Variants in WDR7 observed in about 807,000 individuals in gnomAD.
WDR7 encodes WD repeat domain 7, also known as WD repeat-containing protein 7.
In WDR7, 46 loss-of-function variants were observed where a neutral mutation model predicts 169.4. That is an observed-to-expected ratio of 0.27 (90% CI 0.21 to 0.35). The LOEUF (loss-of-function observed/expected upper bound fraction) is 0.35. Ranked by LOEUF, WDR7 falls within the 10% of genes least tolerant of loss-of-function variation. WDR7 has a pLI of 1.00. For missense variants in WDR7, 1,534 were observed against 1,859.3 expected, an observed-to-expected ratio of 0.83 and a Z score of 3.22; for synonymous variants, 612 against 666.8, an observed-to-expected ratio of 0.92 and a Z score of 1.27.
At chr18:56,841,459 T>C (rs1322758208) in intron 20 of WDR7, among the ~76,000 whole-genome samples, 6 of 150,642 alleles carry the variant, frequency 4.0e-5, no homozygotes, top group Non-Finnish European at 7.4e-5. Flanking sequence ...GGGAGGAGAA[T>C]TGCTTGAACC....
In WDR7 at chr18:56,865,812, A is replaced by C. The variant is rs116983193; in HGVS notation, c.3305-14132A>C. ...CTTTCATATAAAAACAATTTAATGT[A>C]GTTCATATGCTTGATAGAATATCTC... On this transcript the variant is annotated intron_variant, in intron 20 of 27. Transcript: ENST00000254442. 6.0e-3 allele frequency among the ~76,000 whole-genome samples: 906 copies of C among 152,242 alleles called. 2 individuals are homozygous for C. The highest frequency in any genetic ancestry group is 9.9e-3 in the Non-Finnish European group (676 of 67,994).
chr18:56,746,594 A>C (rs2043707728), intron 14 of WDR7, among the ~76,000 whole-genome samples: 1 of 152,144 alleles, frequency 6.6e-6, no homozygotes, highest in South Asian at 2.1e-4. Context: ...GTCCCTGCAA[A>C]GGCTACCTGA....
At chr18:56,710,966 A>G (rs978387406) in intron 12 of WDR7, among the ~76,000 whole-genome samples, 3 of 151,750 alleles carry the variant, frequency 2.0e-5, no homozygotes, top group Non-Finnish European at 1.5e-5. Flanking sequence ...TAATGTTTGA[A>G]TTTGCTTTTC....
intron 2 of WDR7, among the ~76,000 whole-genome samples, chr18:56,673,769 C>T (rs922465886): frequency 2.6e-5 from 4 of 151,692 alleles, no homozygotes; most frequent in Non-Finnish European, 4.4e-5. Context: ...CCAGGAGGTC[C>T]AGGCTACTCG....
chr18:56,987,554 C>T (rs73444894), intron 26 of WDR7, among the ~76,000 whole-genome samples: 2,048 of 152,170 alleles, frequency 0.013, 59 homozygotes, highest in African/African-American at 0.046. Context: ...TCAAGTGCAC[C>T]ATATCTGAAG....
intron 19 of WDR7, among the ~76,000 whole-genome samples, chr18:56,798,320 G>A (rs1277799621): frequency 6.6e-6 from 1 of 152,134 alleles, no homozygotes; most frequent in Admixed American, 6.5e-5. Context: ...CACTTGACTT[G>A]ATGAGTTTAC....
At chr18:56,889,707 TG>T (rs1291660942) in intron 21 of WDR7, among the ~76,000 whole-genome samples, 1 of 152,194 alleles carries the variant, frequency 6.6e-6, no homozygotes. Flanking sequence ...CACATATTTT[TG>T]TGTGTTATAA....
intron 25 of WDR7, among the ~76,000 whole-genome samples, chr18:56,948,465 A>G (rs2047136880): frequency 6.6e-6 from 1 of 152,154 alleles, no homozygotes; most frequent in South Asian, 2.1e-4. Flanking sequence ...TAGTTTAAAA[A>G]AATATACGCC....
At chr18:56,940,008 G>A (rs563138210) in intron 25 of WDR7, among the ~76,000 whole-genome samples, 33 of 151,786 alleles carry the variant, frequency 2.2e-4, no homozygotes, top group Admixed American at 5.9e-4. Context: ...GTGTAGTAAC[G>A]TTATGTTTAT....
At chr18:56,835,960 GTACTTTA>G (rs1315370626) in intron 20 of WDR7, among the ~76,000 whole-genome samples, 4 of 152,094 alleles carry the variant, frequency 2.6e-5, no homozygotes, top group African/African-American at 9.7e-5. Context: ...ATGTATAAGT[GTACTTTA>G]TACTTTTCTA....
At chr18:56,846,217 G>A (rs1392043225) in intron 20 of WDR7, among the ~76,000 whole-genome samples, 1 of 152,100 alleles carries the variant, frequency 6.6e-6, no homozygotes, top group Non-Finnish European at 1.5e-5. Flanking sequence ...GTTGGAGGTG[G>A]GCCTACTGGG....
At chr18:56,882,884 T>C (rs1259058413) in intron 21 of WDR7, among the ~76,000 whole-genome samples, 3 of 152,240 alleles carry the variant, frequency 2.0e-5, no homozygotes, top group African/African-American at 7.2e-5. Flanking sequence ...ATAAATGCTG[T>C]TTCATTTAGA....
At chr18:57,023,728 A>G (rs916284976) in intron 27 of WDR7, among the ~76,000 whole-genome samples, 5 of 152,232 alleles carry the variant, frequency 3.3e-5, no homozygotes, top group African/African-American at 1.2e-4. Flanking sequence ...CTCTGTATCC[A>G]TTGGCATTTG....
intron 21 of WDR7, among the ~76,000 whole-genome samples, chr18:56,918,551 T>TA (rs2046662903): frequency 6.6e-6 from 1 of 152,214 alleles, no homozygotes. Flanking sequence ...ACCACTCTAT[T>TA]AAAAAAATGT....
chr18:56,656,906 T>C (rs2024788297), intron 1 of WDR7, among the ~76,000 whole-genome samples: 1 of 152,202 alleles, frequency 6.6e-6, no homozygotes, highest in Non-Finnish European at 1.5e-5. Context: ...TAAAATATTG[T>C]AGTTTATAAA....
intron 20 of WDR7, among the ~76,000 whole-genome samples, chr18:56,853,362 T>C (rs1452164382): frequency 6.6e-6 from 1 of 152,194 alleles, no homozygotes; most frequent in African/African-American, 2.4e-5. Context: ...TTTGTTTTAA[T>C]GGTTTAAAAG....
chr18:56,790,142 TA>T (rs2044461348), intron 19 of WDR7, among the ~76,000 whole-genome samples: 1 of 152,248 alleles, frequency 6.6e-6, no homozygotes, highest in Admixed American at 6.5e-5. Flanking sequence ...CGTGTCTTTG[TA>T]ATAGAACAAG....
At chr18:56,802,652 GC>G (rs1386104929) in intron 19 of WDR7, among the ~76,000 whole-genome samples, 2 of 151,842 alleles carry the variant, frequency 1.3e-5, no homozygotes, top group African/African-American at 4.8e-5. Flanking sequence ...ACAGGCATGA[GC>G]CACCGCACCT....
At chr18:56,757,726 C>G (rs1363200775) in intron 15 of WDR7, among the ~76,000 whole-genome samples, 1 of 152,048 alleles carries the variant, frequency 6.6e-6, no homozygotes, top group Non-Finnish European at 1.5e-5. Flanking sequence ...AATCCCAGCA[C>G]TTTGGGAGGC....
Sources: gnomAD v4.1 joint callset for allele counts (sites outside exome capture counted in the v4.1 genomes callset) on GRCh38, gnomAD v4.1.1 for gene constraint, MANE v1.5 for transcripts, NCBI Gene and HGNC (gene_info 2026-07-23, HGNC 2026-07-21) for gene names.